The following ATF6 variants were observed in gnomAD, a reference collection of about 807,000 sequenced individuals.
ATF6 encodes activating transcription factor 6.
ATF6 carries 53 observed loss-of-function variants against 83.6 expected under a neutral mutation model. That is an observed-to-expected ratio of 0.63 (90% CI 0.51 to 0.80). ATF6 has a LOEUF of 0.80. Among genes scored for constraint, ATF6 ranks in the 30% least tolerant of loss-of-function variants. The pLI is 0.00. For synonymous variants in ATF6, 288 were observed against 285.8 expected (o/e 1.01, Z -0.08); for missense variants, 744 against 797.9 (o/e 0.93, Z 0.81).
In ATF6 at chr1:161,958,437, T is replaced by A; in HGVS notation, c.1805-9T>A. ...AATATTTATTCTTTGTGTATATTCC[T>A]GTCTGCAGAGAATGTGATCAATGGG... On this transcript the variant is annotated splice_polypyrimidine_tract_variant and intron_variant, in intron 15 of 15. Coordinates refer to ENST00000367942, the MANE Select transcript of ATF6 (RefSeq NM_007348.4). 1 of 1,590,902 alleles carries A rather than the reference T, an allele frequency of 6.3e-7. No individual in the cohort carries two copies. The highest frequency in any genetic ancestry group is 8.6e-7 in the Non-Finnish European group (1 of 1,167,812).
chr1:161,918,944 G>C (rs1688151684), intron 15 of ATF6, among the ~76,000 whole-genome samples: 1 of 152,106 alleles, frequency 6.6e-6, no homozygotes, highest in East Asian at 1.9e-4. Context: ...GTCAATGTCT[G>C]GTCTTAAACT....
chr1:161,890,592 C>A (rs912693356), intron 14 of ATF6, among the ~76,000 whole-genome samples: 3 of 152,238 alleles, frequency 2.0e-5, no homozygotes, highest in Non-Finnish European at 2.9e-5. Context: ...GCCAGCCAGG[C>A]CGCCAGGTAG....
chr1:161,919,535 TGGTAGATA>T (rs1688162211), intron 15 of ATF6, among the ~76,000 whole-genome samples: 1 of 152,234 alleles, frequency 6.6e-6, no homozygotes, highest in Non-Finnish European at 1.5e-5. Context: ...TGTTTTTTAA[TGGTAGATA>T]GCTAAACTTT....
intron 9 of ATF6, among the ~76,000 whole-genome samples, chr1:161,838,299 G>A (rs1044524762): frequency 2.0e-5 from 3 of 152,192 alleles, no homozygotes; most frequent in Admixed American, 2.0e-4. Context: ...CACTGACTCA[G>A]TGATGTCAGC....
chr1:161,902,724 C>T (rs1353147132), intron 14 of ATF6, among the ~76,000 whole-genome samples: 1 of 152,098 alleles, frequency 6.6e-6, no homozygotes, highest in Non-Finnish European at 1.5e-5. Flanking sequence ...TGGGGATTCA[C>T]CAATGAACAA....
intron 11 of ATF6, among the ~76,000 whole-genome samples, chr1:161,852,072 G>A (rs1023652870): frequency 2.0e-5 from 3 of 152,140 alleles, no homozygotes; most frequent in African/African-American, 7.2e-5. Flanking sequence ...ACTACAGAAT[G>A]AAATTAATAT....
At chr1:161,834,855 A>G (rs1230444146) in intron 9 of ATF6, among the ~76,000 whole-genome samples, 1 of 152,212 alleles carries the variant, frequency 6.6e-6, no homozygotes, top group Non-Finnish European at 1.5e-5. Context: ...AAGAAATTAT[A>G]TAGAATGTAA....
intron 7 of ATF6, among the ~76,000 whole-genome samples, chr1:161,807,865 C>CTTTTTTTTTTTTTTT (rs761462420): frequency 1.2e-4 from 4 of 32,344 alleles, no homozygotes; most frequent in Non-Finnish European, 1.7e-4. Context: ...AGTTTGTCAT[C>CTTTTTTTTTTTTTTT]TTTTTTTTTT....
intron 15 of ATF6, among the ~76,000 whole-genome samples, chr1:161,940,228 C>T (rs1688616628): frequency 6.6e-6 from 1 of 152,100 alleles, no homozygotes; most frequent in African/African-American, 2.4e-5. Context: ...ACTCCAAATC[C>T]AACCACTTCT....
At chr1:161,790,537 G>A (rs933451281) in intron 4 of ATF6, among the ~76,000 whole-genome samples, 1 of 151,920 alleles carries the variant, frequency 6.6e-6, no homozygotes, top group African/African-American at 2.4e-5. Flanking sequence ...TGGCTGGGTG[G>A]GGTGGTTCAC....
chr1:161,952,601 G>A (rs1418869407), intron 15 of ATF6, among the ~76,000 whole-genome samples: 1 of 151,744 alleles, frequency 6.6e-6, no homozygotes, highest in African/African-American at 2.4e-5. Flanking sequence ...GTGTCCCCCT[G>A]TGCCTGTCAT....
chr1:161,833,924 C>T (rs1030527276), intron 9 of ATF6, among the ~76,000 whole-genome samples: 15 of 152,180 alleles, frequency 9.9e-5, no homozygotes, highest in East Asian at 1.9e-4. Flanking sequence ...AGATACTCCT[C>T]GAGAAGAGCA....
At chr1:161,770,525 CTG>C (rs1684359359) in intron 1 of ATF6, among the ~76,000 whole-genome samples, 1 of 152,162 alleles carries the variant, frequency 6.6e-6, no homozygotes, top group Non-Finnish European at 1.5e-5. Context: ...TCACATGGCA[CTG>C]AGAGAGAGAA....
intron 14 of ATF6, among the ~76,000 whole-genome samples, chr1:161,911,460 C>T (rs969980215): frequency 1.3e-5 from 2 of 152,180 alleles, no homozygotes; most frequent in Admixed American, 1.3e-4. Flanking sequence ...CCAAGCTTCT[C>T]TTGGCTTATT....
At chr1:161,942,849 T>G (rs911186852) in intron 15 of ATF6, among the ~76,000 whole-genome samples, 7 of 151,610 alleles carry the variant, frequency 4.6e-5, no homozygotes, top group Non-Finnish European at 1.0e-4. Flanking sequence ...CCTCATCTTT[T>G]TTTGTTTGTT....
At chr1:161,860,378 C>A in intron 13 of ATF6, 101 bp downstream of exon 13, 2 of 644,146 alleles carry the variant, frequency 3.1e-6, no homozygotes, top group Non-Finnish European at 4.7e-6. Context: ...TTGTTCTCAT[C>A]TATGAGTTTT....
chr1:161,903,848 A>G (rs1452673406), intron 14 of ATF6, among the ~76,000 whole-genome samples: 8 of 152,176 alleles, frequency 5.3e-5, no homozygotes, highest in Non-Finnish European at 1.0e-4. Context: ...CACTCTGGCC[A>G]GTGTTTGTGA....
At chr1:161,872,069 T>C (rs1687134096) in intron 14 of ATF6, among the ~76,000 whole-genome samples, 1 of 151,666 alleles carries the variant, frequency 6.6e-6, no homozygotes, top group East Asian at 1.9e-4. Flanking sequence ...ATAACACTTA[T>C]ACAGAACACA....
At chr1:161,939,117 C>T (rs891507928) in intron 15 of ATF6, among the ~76,000 whole-genome samples, 1 of 152,212 alleles carries the variant, frequency 6.6e-6, no homozygotes, top group African/African-American at 2.4e-5. Flanking sequence ...TCTCCATCCT[C>T]ATCTTATTCC....
Sources: gnomAD v4.1 joint callset for allele counts (sites outside exome capture counted in the v4.1 genomes callset) on GRCh38, gnomAD v4.1.1 for gene constraint, MANE v1.5 for transcripts, NCBI Gene and HGNC (gene_info 2026-07-23, HGNC 2026-07-21) for gene names.